DDX10: variants seen among roughly 807,000 people sequenced by gnomAD.
The protein encoded by DDX10 is DEAD-box helicase 10.
DDX10 carries 74 observed loss-of-function variants against 104.3 expected under a neutral mutation model. That is an observed-to-expected ratio of 0.71 (90% CI 0.59 to 0.86). The LOEUF is 0.86. DDX10 is among the 40% of genes least tolerant of loss of function. The pLI is 0.00. For synonymous variants in DDX10, 351 were observed against 353.4 expected (o/e 0.99, Z 0.08); for missense variants, 952 against 1,040.0 (o/e 0.92, Z 1.16).
intron 17 of DDX10, among the ~76,000 whole-genome samples, chr11:108,937,067 G>A (rs1056189035): frequency 2.0e-5 from 3 of 152,196 alleles, no homozygotes; most frequent in African/African-American, 7.2e-5. Flanking sequence ...AGGCAGATTT[G>A]TACCTTTCAC....
intron 13 of DDX10, among the ~76,000 whole-genome samples, chr11:108,826,249 T>G (rs1862393841): frequency 1.3e-5 from 2 of 152,158 alleles, no homozygotes; most frequent in Non-Finnish European, 2.9e-5. Context: ...TGTGCTGACT[T>G]TCATCCAGTG....
chr11:108,885,709 C>T (rs181248527), intron 16 of DDX10, among the ~76,000 whole-genome samples: 126 of 152,202 alleles, frequency 8.3e-4, no homozygotes, highest in Admixed American at 1.6e-3. Context: ...TTAAATTTCC[C>T]CTGCCTCTGC....
intron 16 of DDX10, among the ~76,000 whole-genome samples, chr11:108,856,196 G>A (rs1862867180): frequency 1.3e-5 from 2 of 152,256 alleles, no homozygotes; most frequent in South Asian, 2.1e-4. Context: ...TTGGGAGGCC[G>A]AGATGGGTGG....
intron 15 of DDX10, among the ~76,000 whole-genome samples, chr11:108,844,901 A>T (rs1366411220): frequency 1.3e-5 from 2 of 152,110 alleles, no homozygotes; most frequent in Admixed American, 1.3e-4. Flanking sequence ...TACTTGATGA[A>T]AAGAGTTTCT....
chr11:108,882,643 TAG>T (rs1368428609), intron 16 of DDX10, among the ~76,000 whole-genome samples: 1 of 152,194 alleles, frequency 6.6e-6, no homozygotes, highest in African/African-American at 2.4e-5. Context: ...TATATGTAAA[TAG>T]AGAGTCAAAT....
chr11:108,756,721 A>G, intron 13 of DDX10, among the ~76,000 whole-genome samples: 1 of 152,150 alleles, frequency 6.6e-6, no homozygotes, highest in Admixed American at 6.6e-5. Flanking sequence ...AGCCTCACTA[A>G]AGCAAATAAG....
chr11:108,825,639 A>G (rs539447741), intron 13 of DDX10, among the ~76,000 whole-genome samples: 1 of 152,338 alleles, frequency 6.6e-6, no homozygotes, highest in South Asian at 2.1e-4. Context: ...ACCTATTAAG[A>G]TCACTTAAAA....
intron 10 of DDX10, among the ~76,000 whole-genome samples, chr11:108,708,593 A>T (rs1385047721): frequency 6.9e-6 from 1 of 145,304 alleles, no homozygotes; most frequent in East Asian, 2.0e-4. Flanking sequence ...TTTGAGACAG[A>T]GTCTTGCTCT....
At chr11:108,851,553 A>G (rs1466674824) in intron 15 of DDX10, among the ~76,000 whole-genome samples, 11 of 150,776 alleles carry the variant, frequency 7.3e-5, no homozygotes, top group Non-Finnish European at 1.2e-4. Context: ...GATAATCACT[A>G]TTGCATTAAT....
In DDX10 at chr11:108,911,556, C is replaced by CT. The variant is rs869132450; in HGVS notation, c.2305-6286dup. 9.4e-4 allele frequency among the ~76,000 whole-genome samples: 60 copies of CT among 63,760 alleles called. 8 individuals carry two copies. Among genetic ancestry groups the CT allele is most frequent in the African/African-American group, 3.9e-3 (58 of 14,970 alleles). 41.8% of individuals were successfully genotyped at this position (63,760 alleles called of 152,430 possible). A position where few individuals can be genotyped will look rare whatever the true frequency, so the allele number is the denominator to read the frequency against. On this transcript the variant is annotated intron_variant, in intron 16 of 17. Transcript: ENST00000322536. ...GTTCCCAAAAGCTTTGCCTCCTCTTCTTTTTTTTTTTTTTTTTTTTTTTTT... is the reference window on the plus strand; with the variant it reads ...GTTCCCAAAAGCTTTGCCTCCTCTTCTTTTTTTTTTTTTTTTTTTTTTTTTT...
chr11:108,796,016 C>T (rs930996261), intron 13 of DDX10, among the ~76,000 whole-genome samples: 1 of 152,070 alleles, frequency 6.6e-6, no homozygotes, highest in African/African-American at 2.4e-5. Context: ...TGTTCAGTTT[C>T]TTTTTAAACA....
chr11:108,777,063 G>A (rs1366695231), intron 13 of DDX10, among the ~76,000 whole-genome samples: 2 of 152,126 alleles, frequency 1.3e-5, no homozygotes, highest in Non-Finnish European at 2.9e-5. Flanking sequence ...CCAGGTTTGT[G>A]GTAATTTGTT....
At chr11:108,918,754 C>T (rs1241452177) in intron 17 of DDX10, 4 of 152,070 alleles carry the variant, frequency 2.6e-5, no homozygotes, top group African/African-American at 7.2e-5. Context: ...ACAAATGAAA[C>T]GTGATGAATA....
chr11:108,860,055 A>G (rs1565301266), intron 16 of DDX10, among the ~76,000 whole-genome samples: 1 of 152,184 alleles, frequency 6.6e-6, no homozygotes, highest in Non-Finnish European at 1.5e-5. Context: ...ATAACTCAGA[A>G]TCCTGTTGCT....
intron 16 of DDX10, among the ~76,000 whole-genome samples, chr11:108,913,377 C>G (rs554666832): frequency 1.6e-4 from 25 of 152,112 alleles, no homozygotes; most frequent in Middle Eastern, 3.2e-3. Context: ...AGACAATTCA[C>G]ATGTGAGGCG....
intron 16 of DDX10, among the ~76,000 whole-genome samples, chr11:108,902,395 G>C (rs1863527966): frequency 6.6e-6 from 1 of 152,106 alleles, no homozygotes; most frequent in African/African-American, 2.4e-5. Context: ...GAGTGAAGTT[G>C]GTTCTTCATG....
intron 13 of DDX10, among the ~76,000 whole-genome samples, chr11:108,803,419 C>A (rs564294402): frequency 1.3e-5 from 2 of 151,914 alleles, no homozygotes; most frequent in East Asian, 3.9e-4. Context: ...CACGGAGAAA[C>A]CCCATCTCTA....
chr11:108,888,933 C>G (rs1863338662), intron 16 of DDX10, among the ~76,000 whole-genome samples: 1 of 152,152 alleles, frequency 6.6e-6, no homozygotes, highest in African/African-American at 2.4e-5. Flanking sequence ...CTAGTCCAGA[C>G]CTTGCCCTTT....
At chr11:108,866,811 TAGTA>T (rs1347050824) in intron 16 of DDX10, among the ~76,000 whole-genome samples, 1 of 152,206 alleles carries the variant, frequency 6.6e-6, no homozygotes, top group Non-Finnish European at 1.5e-5. Context: ...GACTGACATT[TAGTA>T]AGTGACTCCA....
Sources: allele counts gnomAD v4.1 joint callset (sites outside exome capture counted in the v4.1 genomes callset), GRCh38; gene constraint gnomAD v4.1.1; transcripts MANE v1.5; gene names NCBI Gene and HGNC (gene_info 2026-07-23, HGNC 2026-07-21).